Variants in DENND4C observed in about 807,000 individuals in gnomAD.
DENND4C encodes DENN domain-containing protein 4C.
A neutral mutation model predicts 203.0 loss-of-function variants in DENND4C; 108 were observed. The ratio of observed to expected loss-of-function variants is 0.53; its 90% CI spans 0.46 to 0.62. The LOEUF is 0.62. Among genes scored for constraint, DENND4C ranks in the 20% least tolerant of loss-of-function variants. DENND4C has a pLI of 0.00. For synonymous variants in DENND4C, 871 were observed against 792.4 expected (o/e 1.10, Z -1.67); for missense variants, 2,481 against 2,301.2 (o/e 1.08, Z -1.60).
intron 10 of DENND4C, among the ~76,000 whole-genome samples, chr9:19,306,743 T>TTTTATTTA (rs1554630248): frequency 4.9e-5 from 7 of 143,882 alleles, no homozygotes; most frequent in African/African-American, 1.8e-4. Flanking sequence ...GTTTGCACAA[T>TTTTATTTA]TGTATTTATT....
intron 6 of DENND4C, 121 bp from the exon 7 acceptor site, chr9:19,297,935 C>G (rs1837791066): frequency 4.1e-6 from 3 of 728,414 alleles, no homozygotes; most frequent in Non-Finnish European, 6.4e-6. Flanking sequence ...ACTTAGCCTA[C>G]ATTTTAGATA....
chr9:19,276,482 A>G lies in DENND4C; in HGVS notation c.305+3A>G. ...AAACCACCGCTTACAGATATTGGGT[A>G]TGGTGACTTCTTTTCTTTGCTATAG... On this transcript the variant is annotated splice_donor_region_variant and intron_variant, in intron 2 of 32. Coordinates refer to ENST00000434457, the MANE Select transcript of DENND4C (RefSeq NM_001330640.2). 1 of 1,231,690 alleles carries G rather than the reference A, an allele frequency of 8.1e-7. No homozygotes were observed. The highest frequency in any genetic ancestry group is 1.0e-6 in the Non-Finnish European group (1 of 987,580). The allele number at this position is 1,231,690 out of a possible 1,614,324, so 76.3% of individuals were successfully genotyped here.
intron 26 of DENND4C, among the ~76,000 whole-genome samples, chr9:19,352,994 G>A (rs1824498670): frequency 6.6e-6 from 1 of 151,768 alleles, no homozygotes; most frequent in African/African-American, 2.4e-5. Context: ...AAATTAGCTG[G>A]GCATGGTAGT....
intron 10 of DENND4C, among the ~76,000 whole-genome samples, chr9:19,305,967 T>C (rs1839570427): frequency 6.6e-6 from 1 of 152,236 alleles, no homozygotes; most frequent in Non-Finnish European, 1.5e-5. Context: ...ATTTTAATTT[T>C]ATAAGGATCT....
At chr9:19,238,462 CCCT>C (rs1822622492) in intron 1 of DENND4C, among the ~76,000 whole-genome samples, 1 of 53,844 alleles carries the variant, frequency 1.9e-5, no homozygotes. Flanking sequence ...CCCTCCCCTC[CCCT>C]CCCTCTCCCC....
At chr9:19,328,288 A>T in intron 16 of DENND4C, 126 bp downstream of exon 16, 1 of 968,554 alleles carries the variant, frequency 1.0e-6, no homozygotes, top group South Asian at 2.0e-5. Flanking sequence ...TTGTTATTGA[A>T]TTTAACTAGA....
chr9:19,230,566 G>T (rs1051888952), upstream of DENND4C: 2 of 152,296 alleles, frequency 1.3e-5, no homozygotes, highest in Admixed American at 1.3e-4. Flanking sequence ...GCTCCTAGGC[G>T]ACGCGCCGCC....
At chr9:19,267,291 T>C (rs941001755) in intron 1 of DENND4C, among the ~76,000 whole-genome samples, 1 of 152,170 alleles carries the variant, frequency 6.6e-6, no homozygotes, top group African/African-American at 2.4e-5. Context: ...GGTGCTCCAG[T>C]GTTGGGTGCA....
chr9:19,331,573 G>A (rs17818670), intron 16 of DENND4C, among the ~76,000 whole-genome samples: 36,458 of 151,982 alleles, frequency 0.24, 4,597 homozygotes, highest in East Asian at 0.42. Context: ...AGACAGAGTG[G>A]AAATCTTGGC....
At chr9:19,329,211 A>G (rs1182403557) in intron 16 of DENND4C, among the ~76,000 whole-genome samples, 1 of 152,142 alleles carries the variant, frequency 6.6e-6, no homozygotes, top group African/African-American at 2.4e-5. Context: ...TCCTTTAGCC[A>G]TTAACCCCAA....
At chr9:19,272,966 T>TTG (rs1554715556) in intron 1 of DENND4C, among the ~76,000 whole-genome samples, 4 of 130,584 alleles carry the variant, frequency 3.1e-5, no homozygotes, top group Non-Finnish European at 6.6e-5. Context: ...TTTTTTTTTT[T>TTG]GAGATGGAGT....
intron 22 of DENND4C, among the ~76,000 whole-genome samples, chr9:19,343,209 T>C (rs7864795): frequency 0.021 from 3,261 of 152,314 alleles, 123 homozygotes; most frequent in African/African-American, 0.073. Flanking sequence ...TACACAGATA[T>C]GCCAGTGGAT....
intron 1 of DENND4C, among the ~76,000 whole-genome samples, chr9:19,267,760 A>G (rs946162581): frequency 1.3e-5 from 2 of 151,914 alleles, no homozygotes; most frequent in Admixed American, 6.6e-5. Context: ...GCTAGTCTCA[A>G]ATTCCTGGGG....
chr9:19,296,307 G>A lies in DENND4C; in HGVS notation c.1040+61G>A, dbSNP rs377535488. On this transcript the variant is annotated intron_variant, in intron 6 of 32. Transcript: ENST00000434457. Reference sequence around the variant, plus strand: ...ACTGGGTATATAAATATATACATTTGTTTGTGTAATTTTTAGCAGCAAAGT... The same window carrying A: ...ACTGGGTATATAAATATATACATTTATTTGTGTAATTTTTAGCAGCAAAGT... The A allele has an allele frequency of 4.6e-6, 5 of 1,082,392 alleles. No individual in the cohort carries two copies. The East Asian group carries it at 1.1e-4, about 24-fold the overall frequency. The allele number at this position is 1,082,392 out of a possible 1,614,324, so 67.0% of individuals were successfully genotyped here. A position where few individuals can be genotyped will look rare whatever the true frequency, so the allele number is the denominator to read the frequency against.
Position 19,276,220 on chromosome 9 carries a change from G to C in DENND4C, c.46G>C (p.Ala16Pro). Residue 16 changes from alanine to proline, a missense_variant, in exon 2 of 33, where the codon GCT becomes CCT. By Grantham distance (27) the Ala-to-Pro change is conservative. Transcript: ENST00000434457. ...AAGAGTGACAGACTACTTTGTCGTA[G>C]CTGGTCTCACTGACACATCTACTCT... The part of the protein sequence containing the change: ...GPRVTDYFVV[A>P]GLTDTSTLLD... The C allele has an allele frequency of 8.1e-7, 1 of 1,232,104 alleles. No individual in the cohort carries two copies. The highest frequency in any genetic ancestry group is 1.0e-6 in the Non-Finnish European group (1 of 987,936). 76.3% of individuals were successfully genotyped at this position (1,232,104 alleles called of 1,614,324 possible).
chr9:19,244,803 C>A (rs1824737062), intron 1 of DENND4C, among the ~76,000 whole-genome samples: 1 of 151,668 alleles, frequency 6.6e-6, no homozygotes, highest in Non-Finnish European at 1.5e-5. Flanking sequence ...TTATGTATAA[C>A]CTGGGACTCT....
In DENND4C at chr9:19,326,120, A is replaced by G. The variant is rs150946713; in HGVS notation, c.2046A>G (p.Lys682=). The G allele has an allele frequency of 6.6e-4, 1,069 of 1,613,372 alleles. 12 individuals are homozygous for G. In the South Asian group the frequency reaches 0.011, roughly 17 times the overall value. The change falls in exon 15 of 33, where the codon AAA becomes AAG. Residue 682 remains lysine, a synonymous_variant. Coordinates refer to ENST00000434457, the MANE Select transcript of DENND4C (RefSeq NM_001330640.2). ...TGATAGAACTAGATGATTCACAGAA[A>G]AGTGAGCATACTGTATTTATAATGC... is the stretch of plus-strand genomic sequence containing the variant. ...TRLIELDDSQ[K]SEHTVFIMPP...
At chr9:19,231,660 T>A (rs368752031) in intron 1 of DENND4C, among the ~76,000 whole-genome samples, 1 of 151,918 alleles carries the variant, frequency 6.6e-6, no homozygotes. Flanking sequence ...CCTTCTCCCC[T>A]TATGTATGTT....
intron 12 of DENND4C, among the ~76,000 whole-genome samples, chr9:19,321,760 A>T (rs1414557201): frequency 6.9e-6 from 1 of 144,830 alleles, no homozygotes; most frequent in African/African-American, 2.6e-5. Flanking sequence ...CGAACCTGGG[A>T]GGTGGAGGTT....
Sources: allele counts gnomAD v4.1 joint callset (sites outside exome capture counted in the v4.1 genomes callset), GRCh38; gene constraint gnomAD v4.1.1; transcripts MANE v1.5; gene names NCBI Gene and HGNC (gene_info 2026-07-23, HGNC 2026-07-21).